Variants in SDAD1 observed in about 807,000 individuals in gnomAD.
SDAD1 encodes the protein SDA1 domain containing 1, also known as protein SDA1 homolog.
A neutral mutation model predicts 100.3 loss-of-function variants in SDAD1; 79 were observed. That is an observed-to-expected ratio of 0.79 (90% CI 0.66 to 0.95). SDAD1 has a LOEUF of 0.95. SDAD1 is among the 40% of genes least tolerant of loss of function. The pLI is 0.00. For synonymous variants in SDAD1, 267 were observed against 271.4 expected, an observed-to-expected ratio of 0.98 and a Z score of 0.16; for missense variants, 790 against 810.9, an observed-to-expected ratio of 0.97 and a Z score of 0.31.
chr4:75,955,124 T>C (rs1728818644), intron 21 of SDAD1, among the ~76,000 whole-genome samples: 2 of 152,200 alleles, frequency 1.3e-5, no homozygotes, highest in South Asian at 4.1e-4. Context: ...CTGTTAGAAA[T>C]TGCTGATGCA....
intron 3 of SDAD1, among the ~76,000 whole-genome samples, chr4:75,979,446 C>A (rs1730361833): frequency 6.6e-6 from 1 of 152,002 alleles, no homozygotes; most frequent in Admixed American, 6.6e-5. Context: ...AATCCTTTAT[C>A]TCCTAGTAAA....
At chr4:75,964,000 C>G (rs1729394807) in intron 14 of SDAD1, 135 bp downstream of exon 14, 3 of 596,274 alleles carry the variant, frequency 5.0e-6, no homozygotes, top group Non-Finnish European at 8.7e-6. Context: ...TCAAGCCTCC[C>G]AAAAAGACTG....
intron 1 of SDAD1, among the ~76,000 whole-genome samples, chr4:75,984,005 T>C (rs971963281): frequency 3.3e-5 from 5 of 152,166 alleles, no homozygotes; most frequent in African/African-American, 1.2e-4. Flanking sequence ...TTTCTGCATA[T>C]GGCTAGCCAG....
intron 16 of SDAD1, 110 bp downstream of exon 16, chr4:75,960,918 C>T: frequency 1.2e-6 from 1 of 860,372 alleles, no homozygotes; most frequent in Non-Finnish European, 2.0e-6. Context: ...TGCATCATAA[C>T]CATGTAATCA....
chr4:75,954,911 C>T (rs1728807883), intron 21 of SDAD1, among the ~76,000 whole-genome samples: 2 of 152,254 alleles, frequency 1.3e-5, no homozygotes, highest in South Asian at 2.1e-4. Context: ...GGGTTATAAA[C>T]GCCCTTATCT....
intron 20 of SDAD1, 150 bp from the exon 21 acceptor site, chr4:75,956,286 G>GAAAT (rs1339636212): frequency 9.1e-6 from 7 of 767,172 alleles, no homozygotes; most frequent in Middle Eastern, 6.3e-4. Context: ...TTGGGACCAA[G>GAAAT]AAATGGCCAT....
chr4:75,970,519 G>T (rs896205793), intron 9 of SDAD1, 141 bp from the exon 10 acceptor site: 13 of 575,848 alleles, frequency 2.3e-5, no homozygotes, highest in Non-Finnish European at 3.8e-5. Flanking sequence ...TTTTCAACTA[G>T]AAGAATTAAA....
At chr4:75,952,634 T>G (rs1728678686) in intron 21 of SDAD1, among the ~76,000 whole-genome samples, 1 of 152,136 alleles carries the variant, frequency 6.6e-6, no homozygotes, top group Non-Finnish European at 1.5e-5. Context: ...GGGGGGTGTG[T>G]GAAGTGTGAT....
At chr4:75,982,362 C>T (rs902298429) in intron 1 of SDAD1, among the ~76,000 whole-genome samples, 1 of 152,216 alleles carries the variant, frequency 6.6e-6, no homozygotes, top group Non-Finnish European at 1.5e-5. Flanking sequence ...TAAATGATCC[C>T]GACTGCTGGG....
intron 8 of SDAD1, among the ~76,000 whole-genome samples, chr4:75,972,927 A>C (rs1234001393): frequency 6.6e-6 from 1 of 152,042 alleles, no homozygotes; most frequent in Admixed American, 6.6e-5. Context: ...AGGCTGAGGC[A>C]GGAGAACGGC....
Position 75,964,145 on chromosome 4 carries a change from T to G in SDAD1, c.1171A>C (p.Met391Leu), listed in dbSNP as rs1578124027. 3 of 1,608,684 alleles carry G rather than the reference T, an allele frequency of 1.9e-6. No homozygotes were observed. Among genetic ancestry groups the G allele is most frequent in the Non-Finnish European group, 2.6e-6 (3 of 1,176,470 alleles). ...CCAGATTCTACATACCCTACTGTCA[T>G]GACTTCTCCAGAGTTCTTGTCGGTA... is the stretch of plus-strand genomic sequence containing the variant. The part of the protein sequence containing the change: ...FVTDKNSGEV[M>L]TVGINAIKEI... The change falls in exon 14 of 22, where the codon ATG becomes CTG. Residue 391 changes from methionine (M) to leucine (L), a missense_variant. Transcript: ENST00000356260.
At chr4:75,955,906 G>T in intron 21 of SDAD1, 69 bp downstream of exon 21, 1 of 1,504,298 alleles carries the variant, frequency 6.6e-7, no homozygotes, top group Non-Finnish European at 8.9e-7. Context: ...GCGCAAGTCC[G>T]TCTCAAATGT....
Position 75,961,201 on chromosome 4 carries a change from T to C in SDAD1, c.1279+10A>G. Reference sequence around the variant, plus strand: ...ACTCTTTGGTGTGTAGAGAGTAACATGCAGCTTACTCTTATCCTTGTGTGT... The same window carrying C: ...ACTCTTTGGTGTGTAGAGAGTAACACGCAGCTTACTCTTATCCTTGTGTGT... On this transcript the variant is annotated intron_variant, in intron 15 of 21. Coordinates refer to ENST00000356260, the MANE Select transcript of SDAD1 (RefSeq NM_018115.4). 6.2e-7 allele frequency: 1 copy of C among 1,612,988 alleles called. No individual in the cohort carries two copies.
In SDAD1 at chr4:75,961,084, T is replaced by A; in HGVS notation, c.1300A>T (p.Thr434Ser). The A allele has an allele frequency of 6.2e-7, 1 of 1,614,132 alleles. No homozygotes were observed. The highest frequency in any genetic ancestry group is 8.5e-7 in the Non-Finnish European group (1 of 1,179,984). ...AGTGTTCGGAAGAGGTGAATCAAAGTTCTAGCAGACATCATTACATCTGTA... is the reference window on the plus strand; with the variant it reads ...AGTGTTCGGAAGAGGTGAATCAAAGATCTAGCAGACATCATTACATCTGTA... The part of the protein sequence containing the change: ...KDKNVMMSAR[T>S]LIHLFRTLNP... Residue 434 changes from threonine (T) to serine (S), a missense_variant, in exon 16 of 22, where the codon ACT becomes TCT. Thr to Ser is a moderately conservative substitution (Grantham distance 58). Transcript: ENST00000356260.
intron 13 of SDAD1, among the ~76,000 whole-genome samples, chr4:75,965,166 G>A (rs1404770691): frequency 2.6e-5 from 4 of 152,142 alleles, no homozygotes. Context: ...CCTAGAGGTA[G>A]GTCTCTGAAA....
intron 2 of SDAD1, 61 bp downstream of exon 2, chr4:75,981,872 A>C: frequency 1.7e-6 from 2 of 1,192,808 alleles, no homozygotes; most frequent in Non-Finnish European, 2.4e-6. Flanking sequence ...AGTATTAGTG[A>C]AAAAACATTC....
chr4:75,990,674 C>G, intron 1 of SDAD1, 78 bp downstream of exon 1: 1 of 1,607,238 alleles, frequency 6.2e-7, no homozygotes, highest in Non-Finnish European at 8.5e-7. Context: ...GGATCCCAGC[C>G]CCACTCCATG....
chr4:75,964,310 C>A (rs570050633), intron 13 of SDAD1, 99 bp from the exon 14 acceptor site: 1 of 792,590 alleles, frequency 1.3e-6, no homozygotes, highest in Admixed American at 2.6e-5. Flanking sequence ...GTGGAAAACC[C>A]AGCCTTCCAC....
At chr4:75,974,710 A>G (rs1310524763) in intron 6 of SDAD1, among the ~76,000 whole-genome samples, 1 of 130,090 alleles carries the variant, frequency 7.7e-6, no homozygotes, top group Non-Finnish European at 1.8e-5. Context: ...CTTTGTCTCA[A>G]AAAAACAAAC....
Sources: gnomAD v4.1 joint callset for allele counts (sites outside exome capture counted in the v4.1 genomes callset) on GRCh38, gnomAD v4.1.1 for gene constraint, MANE v1.5 for transcripts, NCBI Gene and HGNC (gene_info 2026-07-23, HGNC 2026-07-21) for gene names.